Variants in RAB38 observed in about 807,000 individuals in gnomAD.
The protein encoded by RAB38 is ras-related protein Rab-38.
In RAB38, 15 loss-of-function variants were observed where a neutral mutation model predicts 18.4. The observed-to-expected ratio is 0.82, with a 90% confidence interval of 0.55 to 1.26. The LOEUF (loss-of-function observed/expected upper bound fraction) is 1.26, where lower values mean the gene tolerates loss of function less well. Among genes scored for constraint, RAB38 ranks in the 50% most tolerant of loss-of-function variants. The probability of loss-of-function intolerance (pLI) is 0.00; values close to 1 mark genes in which losing one functional copy is unlikely to be tolerated. For synonymous variants in RAB38, 101 were observed against 104.4 expected (o/e 0.97, Z 0.20); for missense variants, 294 against 267.4 (o/e 1.10, Z -0.69).
chr11:87,886,320 T>A, the RAB38 span, among the ~76,000 whole-genome samples: 3 of 151,610 alleles, frequency 2.0e-5, no homozygotes, highest in African/African-American at 7.3e-5. Context: ...GTTGTGAGTG[T>A]GTGTGTGTGT....
the RAB38 span, among the ~76,000 whole-genome samples, chr11:88,103,764 C>T: frequency 6.6e-6 from 1 of 152,158 alleles, no homozygotes; most frequent in Non-Finnish European, 1.5e-5. Context: ...ACCTTGCAAA[C>T]ATTTCTCCTT....
the RAB38 span, among the ~76,000 whole-genome samples, chr11:88,011,710 C>A: frequency 0.74 from 112,011 of 152,030 alleles, 42,007 homozygotes; most frequent in African/African-American, 0.87. Context: ...AAATTATGTC[C>A]TCTAGTTCTT....
the RAB38 span, among the ~76,000 whole-genome samples, chr11:87,824,559 C>G: frequency 2.0e-5 from 3 of 151,982 alleles, no homozygotes; most frequent in African/African-American, 4.8e-5. Flanking sequence ...AGGAAGCTAT[C>G]GAATCCACTA....
the RAB38 span, among the ~76,000 whole-genome samples, chr11:87,910,935 C>A: frequency 2.6e-5 from 4 of 151,996 alleles, no homozygotes; most frequent in Admixed American, 2.0e-4. Flanking sequence ...AGTGCGCAGC[C>A]TCAAAGTTCA....
the RAB38 span, among the ~76,000 whole-genome samples, chr11:87,855,074 C>T: frequency 0.56 from 84,831 of 151,958 alleles, 25,374 homozygotes; most frequent in South Asian, 0.68. Context: ...GGATTACAGG[C>T]ATGAGCCACC....
the RAB38 span, among the ~76,000 whole-genome samples, chr11:88,069,629 C>A: frequency 1.3e-5 from 2 of 152,052 alleles, no homozygotes; most frequent in African/African-American, 2.4e-5. Flanking sequence ...CTGTATCTAG[C>A]TAATCTGGTG....
chr11:87,899,170 A>C, the RAB38 span, among the ~76,000 whole-genome samples: 1 of 151,758 alleles, frequency 6.6e-6, no homozygotes. Context: ...CTACTTATGA[A>C]GAATGCAGTC....
At chr11:87,830,594 A>C in the RAB38 span, among the ~76,000 whole-genome samples, 1 of 152,084 alleles carries the variant, frequency 6.6e-6, no homozygotes, top group Admixed American at 6.5e-5. Flanking sequence ...TTCCCACAAC[A>C]ACCCAATGAA....
At chr11:87,857,125 G>A in the RAB38 span, among the ~76,000 whole-genome samples, 1 of 148,888 alleles carries the variant, frequency 6.7e-6, no homozygotes, top group African/African-American at 2.5e-5. Context: ...TTGGTTTTTT[G>A]TCCTTGTGAT....
At chr11:88,027,088 T>C in the RAB38 span, among the ~76,000 whole-genome samples, 1 of 152,188 alleles carries the variant, frequency 6.6e-6, no homozygotes. Context: ...ACCATTAAAA[T>C]AAAATAAACG....
At chr11:87,817,170 G>T in the RAB38 span, 2 of 152,150 alleles carry the variant, frequency 1.3e-5, no homozygotes, top group African/African-American at 2.4e-5. Flanking sequence ...TCCTGGAACT[G>T]CTATAAGGTA....
chr11:88,029,297 G>C, the RAB38 span, among the ~76,000 whole-genome samples: 2 of 151,740 alleles, frequency 1.3e-5, no homozygotes, highest in Non-Finnish European at 2.9e-5. Context: ...AAAGACCATC[G>C]AGACTAGGAA....
At chr11:88,062,711 C>T in the RAB38 span, among the ~76,000 whole-genome samples, 1 of 152,150 alleles carries the variant, frequency 6.6e-6, no homozygotes, top group Non-Finnish European at 1.5e-5. Flanking sequence ...AGTCAAGAGA[C>T]TTAGTTTCTA....
At chr11:87,890,963 G>C in the RAB38 span, among the ~76,000 whole-genome samples, 19 of 151,758 alleles carry the variant, frequency 1.3e-4, no homozygotes, top group African/African-American at 4.4e-4. Context: ...ATTAAACCAA[G>C]AGTAAGACCC....
the RAB38 span, among the ~76,000 whole-genome samples, chr11:87,917,375 C>G: frequency 2.6e-5 from 4 of 152,106 alleles, no homozygotes; most frequent in East Asian, 7.8e-4. Flanking sequence ...GAAAATGTGT[C>G]AAGAATGACT....
chr11:88,053,342 AAT>A, the RAB38 span, among the ~76,000 whole-genome samples: 2 of 26,668 alleles, frequency 7.5e-5, no homozygotes, highest in East Asian at 1.2e-3. Flanking sequence ...ATATATATGG[AAT>A]ATATATATAC....
At chr11:88,143,823 T>C (rs1942947965) in intron 2 of RAB38, among the ~76,000 whole-genome samples, 1 of 152,224 alleles carries the variant, frequency 6.6e-6, no homozygotes, top group Admixed American at 6.5e-5. Context: ...TGATCGTTCA[T>C]TTCTATTCTC....
the RAB38 span, among the ~76,000 whole-genome samples, chr11:87,884,369 C>T: frequency 6.6e-6 from 1 of 151,874 alleles, no homozygotes; most frequent in Non-Finnish European, 1.5e-5. Flanking sequence ...GGCAAATTAA[C>T]AAAGGAAAGA....
intron 1 of RAB38, among the ~76,000 whole-genome samples, chr11:88,164,079 T>C (rs1193232258): frequency 6.6e-6 from 1 of 152,110 alleles, no homozygotes; most frequent in African/African-American, 2.4e-5. Context: ...CTCAAATGTA[T>C]TACATAAAAA....
Sources: allele counts gnomAD v4.1 joint callset (sites outside exome capture counted in the v4.1 genomes callset), GRCh38; gene constraint gnomAD v4.1.1; transcripts MANE v1.5; gene names NCBI Gene and HGNC (gene_info 2026-07-23, HGNC 2026-07-21).